MRPS2: variants seen among roughly 807,000 people sequenced by gnomAD.
MRPS2 encodes small ribosomal subunit protein uS2m.
MRPS2 carries 13 observed loss-of-function variants against 18.9 expected under a neutral mutation model. That is an observed-to-expected ratio of 0.69 (90% CI 0.45 to 1.09). The LOEUF (loss-of-function observed/expected upper bound fraction) is 1.09, where lower values mean the gene tolerates loss of function less well. MRPS2 is among the 50% of genes least tolerant of loss of function. The probability of loss-of-function intolerance (pLI) is 0.00; values close to 1 mark genes in which losing one functional copy is unlikely to be tolerated. For synonymous variants in MRPS2, 186 were observed against 178.4 expected, an observed-to-expected ratio of 1.04 and a Z score of -0.34; for missense variants, 389 against 421.7, an observed-to-expected ratio of 0.92 and a Z score of 0.68.
chr9:135,503,005 C>A, intron 3 of MRPS2: 1 of 680,046 alleles, frequency 1.5e-6, no homozygotes, highest in Non-Finnish European at 1.8e-6. Flanking sequence ...CTGTCACGCA[C>A]CGAGAGGCGG....
At chr9:135,502,152 G>T (rs983436464) in intron 3 of MRPS2, 179 bp downstream of exon 3, 4 of 1,406,322 alleles carry the variant, frequency 2.8e-6, no homozygotes, top group Admixed American at 5.8e-5. Flanking sequence ...TCAGCTTGGC[G>T]GACGCTCTTG....
chr9:135,503,360 C>A (rs1831195761), intron 3 of MRPS2, 182 bp from the exon 4 acceptor site: 4 of 1,418,554 alleles, frequency 2.8e-6, no homozygotes, highest in South Asian at 3.0e-5. Flanking sequence ...AGAGGGGTGG[C>A]CTGGATGGGT....
Position 135,504,057 on chromosome 9 carries a change from G to A in MRPS2, c.815G>A (p.Arg272His), listed in dbSNP as rs111392067. Residue 272 changes from arginine to histidine, a missense_variant, in exon 4 of 4, where the codon CGC becomes CAC. By Grantham distance (29) the Arg-to-His change is conservative (BLOSUM62 0). Coordinates refer to ENST00000241600, the MANE Select transcript of MRPS2 (RefSeq NM_016034.5). The surrounding 1 kb of genome is among the most constrained non-coding windows in gnomAD (Gnocchi z 4.3). ...CGGCAGCAGGTTGAGGCTCTCTATC[G>A]CCTGCAGGGCCAGAAGGAGCCCGGG... ...EKRQQVEALY[R>H]LQGQKEPGDQ... is the part of the protein sequence containing the mutation. 2.0e-5 allele frequency: 33 copies of A among 1,612,926 alleles called. No homozygotes were observed. Among genetic ancestry groups the A allele is most frequent in the South Asian group, 8.8e-5 (8 of 91,084 alleles).
At chr9:135,501,800 GC>G (rs751637853) in intron 2 of MRPS2, 43 bp from the exon 3 acceptor site, 14 of 1,607,834 alleles carry the variant, frequency 8.7e-6, no homozygotes, top group Non-Finnish European at 1.2e-5. Context: ...TGTCTCTGCT[GC>G]CACCGGTGGG....
At chr9:135,501,762 C>A in intron 2 of MRPS2, 82 bp from the exon 3 acceptor site, 1 of 1,567,238 alleles carries the variant, frequency 6.4e-7, no homozygotes, top group South Asian at 1.2e-5. Context: ...CACTTGGGAG[C>A]AGGGGTGGGC....
Position 135,503,929 on chromosome 9 carries a change from C to T in MRPS2, c.687C>T (p.Pro229=). 2 of 1,614,042 alleles carry T rather than the reference C, an allele frequency of 1.2e-6. No individual in the cohort carries two copies. The highest frequency in any genetic ancestry group is 1.7e-6 in the Non-Finnish European group (2 of 1,180,046). ...TVGIVDTNCN[P]CLITYPVPGN... The stretch of plus-strand genomic sequence containing the variant: ...GCATCGTGGACACCAACTGCAACCC[C>T]TGCCTCATCACCTACCCTGTACCCG... Residue 229 remains proline (P), a synonymous_variant, in exon 4 of 4, where the codon CCC becomes CCT. Transcript: ENST00000241600.
chr9:135,501,586 G>GT, intron 2 of MRPS2: 1 of 1,210,776 alleles, frequency 8.3e-7, no homozygotes, highest in South Asian at 1.8e-5. Context: ...TGTCTTCCAA[G>GT]TAAGACCAAG....
In MRPS2 at chr9:135,500,936, G is replaced by A. The variant is rs760305574; in HGVS notation, c.44-62G>A. 33 of 1,599,342 alleles carry A rather than the reference G, an allele frequency of 2.1e-5. No homozygotes were observed. The African/African-American group carries it at 4.3e-4, about 21-fold the overall frequency. On this transcript the variant is annotated intron_variant, in intron 1 of 3. Coordinates refer to ENST00000241600, the MANE Select transcript of MRPS2 (RefSeq NM_016034.5). ...CGCGGAGGGGCCCGTTGGGGATGCGGTGGGGAGCGGGCGTGGTGCATTCGG... is the reference window on the plus strand; with the variant it reads ...CGCGGAGGGGCCCGTTGGGGATGCGATGGGGAGCGGGCGTGGTGCATTCGG...
rs775941271 is a variant in MRPS2 at position 135,503,764 on chromosome 9, C to T, written c.522C>T (p.Gly174=). The change falls in exon 4 of 4, where the codon GGC becomes GGT. Residue 174 remains glycine (G), a synonymous_variant. Transcript: ENST00000241600. ...EYAHTRYFRG[G]MLTNARLLFG... is the part of the protein sequence containing the mutation. The stretch of plus-strand genomic sequence containing the variant: ...CCCACACTCGCTACTTCAGGGGCGG[C>T]ATGCTGACCAACGCGCGCCTCCTCT... The T allele has an allele frequency of 1.1e-5, 18 of 1,612,680 alleles. No homozygotes were observed. The South Asian group carries it at 1.3e-4, about 12-fold the overall frequency.
At chr9:135,500,571 G>T (rs1831086567), upstream of MRPS2, 1 of 939,760 alleles carries the variant, frequency 1.1e-6, no homozygotes, top group South Asian at 2.3e-5. Flanking sequence ...CCCCCGCAGG[G>T]AGGTCCCAGC....
intron 3 of MRPS2, chr9:135,502,189 C>T: frequency 7.3e-7 from 1 of 1,370,446 alleles, no homozygotes; most frequent in Non-Finnish European, 9.5e-7. Flanking sequence ...GCTCACAGCC[C>T]TTGATAGGGC....
chr9:135,503,554 G>A lies in MRPS2; in HGVS notation c.312G>A (p.Pro104=), dbSNP rs200709806. The A allele has an allele frequency of 7.8e-4, 1,254 of 1,613,082 alleles. 13 individuals carry two copies. In the South Asian group the frequency reaches 0.013, roughly 16 times the overall value. ...GGGTCTCTGGCAGGTTTATGGAGCC[G>A]TACATCTTTGGGAGCCGCCTGGACC... ...KAGCRHRFME[P]YIFGSRLDHD... The change falls in exon 4 of 4, where the codon CCG becomes CCA. Residue 104 remains proline (P), a synonymous_variant. Coordinates refer to ENST00000241600, the MANE Select transcript of MRPS2 (RefSeq NM_016034.5).
At chr9:135,502,128 CAGG>C in intron 3 of MRPS2, 155 bp downstream of exon 3, 2 of 1,446,064 alleles carry the variant, frequency 1.4e-6, no homozygotes, top group Non-Finnish European at 9.1e-7. Context: ...CACAGAGAAG[CAGG>C]AGTTTATTCC....
chr9:135,500,643 T>G, upstream of MRPS2: 1 of 1,391,556 alleles, frequency 7.2e-7, no homozygotes, highest in Non-Finnish European at 9.3e-7. Flanking sequence ...CCCGCGCGGA[T>G]GGCGACGGAA....
At chr9:135,502,171 G>A in intron 3 of MRPS2, 198 bp downstream of exon 3, 3 of 1,387,742 alleles carry the variant, frequency 2.2e-6, no homozygotes, top group Non-Finnish European at 2.8e-6. Flanking sequence ...TGTGTGCCTT[G>A]GTGTGGCGCT....
rs777783536 is a variant in MRPS2 at position 135,503,659 on chromosome 9, G to A, written c.417G>A (p.Lys139=). The A allele has an allele frequency of 3.7e-6, 6 of 1,613,866 alleles. No homozygotes were observed. Among genetic ancestry groups the A allele is most frequent in the Admixed American group, 1.7e-5 (1 of 60,028 alleles). ...LNFTAHMAYR[K]GIILFISRNR... ...TCACCGCCCACATGGCCTACCGCAAGGGCATCATCTTGTTTATAAGCCGCA... is the reference window on the plus strand; with the variant it reads ...TCACCGCCCACATGGCCTACCGCAAAGGCATCATCTTGTTTATAAGCCGCA... Residue 139 remains lysine, a synonymous_variant, in exon 4 of 4, where the codon AAG becomes AAA. Transcript: ENST00000241600.
chr9:135,501,102 C>A lies in MRPS2; in HGVS notation c.148C>A (p.Arg50Ser). Residue 50 changes from arginine (R) to serine (S), a missense_variant, in exon 2 of 4, where the codon CGC (arginine) becomes AGC (serine). By Grantham distance (110) the Arg-to-Ser change is moderately radical. Transcript: ENST00000241600. ...TGGAAGCGCGACGGCCCTTATGATCCGCGAGTCGGAGGACAGCACCGGTAA... is the reference window on the plus strand; with the variant it reads ...TGGAAGCGCGACGGCCCTTATGATCAGCGAGTCGGAGGACAGCACCGGTAA... Reference protein sequence around the residue: ...TLGSATALMIRESEDSTDFND... With the variant: ...TLGSATALMISESEDSTDFND... 6.2e-7 allele frequency: 1 copy of A among 1,603,124 alleles called. No individual in the cohort carries two copies. Among genetic ancestry groups the A allele is most frequent in the South Asian group, 1.1e-5 (1 of 90,120 alleles).
At chr9:135,503,072 G>T in intron 3 of MRPS2, 1 of 991,660 alleles carries the variant, frequency 1.0e-6, no homozygotes, top group Non-Finnish European at 1.2e-6. Flanking sequence ...CCAGTGCTTT[G>T]GATCAGGGTT....
In MRPS2 at chr9:135,503,720, C is replaced by G. The variant is rs564609656; in HGVS notation, c.478C>G (p.Arg160Gly). The change falls in exon 4 of 4, where the codon CGT becomes GGT. Residue 160 changes from arginine to glycine, a missense_variant. Arg to Gly is a moderately radical substitution (Grantham distance 125). Coordinates refer to ENST00000241600, the MANE Select transcript of MRPS2 (RefSeq NM_016034.5). The stretch of plus-strand genomic sequence containing the variant: ...CTCGTACCTGATTGAGAACATGGCC[C>G]GTGACTGTGGCGAGTACGCCCACAC... ...QFSYLIENMA[R>G]DCGEYAHTRY... 1 of 1,613,524 alleles carries G rather than the reference C, an allele frequency of 6.2e-7. No homozygotes were observed. The highest frequency in any genetic ancestry group is 8.5e-7 in the Non-Finnish European group (1 of 1,180,028).
Sources: allele counts gnomAD v4.1 joint callset, GRCh38; gene constraint gnomAD v4.1.1; non-coding constraint Gnocchi (gnomAD v3.1); transcripts MANE v1.5; gene names NCBI Gene and HGNC (gene_info 2026-07-23, HGNC 2026-07-21).